The following MED6 variants were observed in gnomAD, a reference collection of about 807,000 sequenced individuals.
The protein encoded by MED6 is mediator of RNA polymerase II transcription subunit 6.
A neutral mutation model predicts 37.5 loss-of-function variants in MED6; 33 were observed. That is an observed-to-expected ratio of 0.88 (90% confidence interval 0.67 to 1.18). The LOEUF is 1.18. Ranked by LOEUF, MED6 falls within the 50% of genes most tolerant of loss-of-function variation. The pLI is 0.00. For missense variants in MED6, 235 were observed against 290.6 expected (o/e 0.81, Z 1.39); for synonymous variants, 94 against 93.6 (o/e 1.00, Z -0.02).
At chr14:70,588,222 T>C (rs566705430) in intron 6 of MED6, among the ~76,000 whole-genome samples, 1 of 152,316 alleles carries the variant, frequency 6.6e-6, no homozygotes, top group South Asian at 2.1e-4. Flanking sequence ...CTCCTAGTTA[T>C]GTTACACAGA....
chr14:70,593,995 T>C (rs1460296373), intron 3 of MED6, among the ~76,000 whole-genome samples: 3 of 152,232 alleles, frequency 2.0e-5, no homozygotes, highest in African/African-American at 7.2e-5. Context: ...CTGGTTTGCC[T>C]TGGTTCTAAG....
Position 70,584,119 on chromosome 14 carries a change from AG to A in MED6, c.*693del. 1 of 727,922 alleles carries A rather than the reference AG, an allele frequency of 1.4e-6. No individual in the cohort carries two copies. The highest frequency in any genetic ancestry group is 2.5e-6 in the Non-Finnish European group (1 of 404,428). The allele number at this position is 727,922 out of a possible 1,614,324, so 45.1% of individuals were successfully genotyped here. On this transcript the variant is annotated 3_prime_UTR_variant, in exon 8 of 8. Transcript: ENST00000256379. ...TCAGCAACTGTTTATTTTAATACTG[AG>A]GATTATGTAACTGAACAAAAAGAAA... is the stretch of plus-strand genomic sequence containing the variant.
intron 3 of MED6, among the ~76,000 whole-genome samples, chr14:70,594,097 C>T (rs1453067318): frequency 1.3e-5 from 2 of 152,158 alleles, no homozygotes; most frequent in African/African-American, 4.8e-5. Flanking sequence ...AAGTCATTCT[C>T]TGAAAACAAT....
intron 3 of MED6, chr14:70,594,487 A>G (rs1239161848): frequency 3.2e-6 from 1 of 310,412 alleles, no homozygotes; most frequent in East Asian, 8.5e-5. Context: ...GATGTGAAAA[A>G]AAAAGTTAAT....
intron 6 of MED6, among the ~76,000 whole-genome samples, chr14:70,588,398 G>A (rs557100553): frequency 6.6e-6 from 1 of 152,090 alleles, no homozygotes; most frequent in East Asian, 1.9e-4. Context: ...AAAAATAATT[G>A]GGAGGGGCCG....
chr14:70,588,500 G>T (rs1332134173), intron 6 of MED6, among the ~76,000 whole-genome samples: 1 of 151,708 alleles, frequency 6.6e-6, no homozygotes, highest in African/African-American at 2.4e-5. Flanking sequence ...CCTGGCTAAC[G>T]CGGTGAAACC....
In MED6 at chr14:70,584,227, T is replaced by C. The variant is rs1884634042; in HGVS notation, c.*586A>G. The C allele has an allele frequency of 5.4e-6, 4 of 741,766 alleles. No individual in the cohort carries two copies. Among genetic ancestry groups the C allele is most frequent in the Non-Finnish European group, 9.8e-6 (4 of 409,376 alleles). The allele number at this position is 741,766 out of a possible 1,614,324, so 45.9% of individuals were successfully genotyped here. A position where few individuals can be genotyped will look rare whatever the true frequency, so the allele number is the denominator to read the frequency against. On this transcript the variant is annotated 3_prime_UTR_variant, in exon 8 of 8. Transcript: ENST00000256379. The stretch of plus-strand genomic sequence containing the variant: ...TCAGTTATGATGAAGAAAAAAGTCA[T>C]GATGAAGCAATATATACAAATACCT...
At chr14:70,597,184 G>A (rs905391477) in intron 2 of MED6, among the ~76,000 whole-genome samples, 14 of 152,108 alleles carry the variant, frequency 9.2e-5, no homozygotes, top group Non-Finnish European at 1.5e-4. Flanking sequence ...CTCAATAGCT[G>A]TATTTGCCCC....
chr14:70,594,686 C>A (rs760664823), intron 3 of MED6: 1 of 454,518 alleles, frequency 2.2e-6, no homozygotes, highest in Non-Finnish European at 4.2e-6. Flanking sequence ...GTTCCCAGAT[C>A]TCCGTGTCCC....
intron 1 of MED6, 45 bp from the exon 2 acceptor site, chr14:70,597,822 A>T (rs749528093): frequency 6.8e-6 from 10 of 1,472,020 alleles, no homozygotes; most frequent in Non-Finnish European, 9.0e-6. Flanking sequence ...AAAAATAGAA[A>T]GAATCCAATC....
chr14:70,587,714 T>C (rs1884750977), intron 6 of MED6, among the ~76,000 whole-genome samples: 1 of 152,220 alleles, frequency 6.6e-6, no homozygotes, highest in African/African-American at 2.4e-5. Flanking sequence ...ACAAGAGTGC[T>C]TCTTGGAGCA....
chr14:70,594,621 G>A (rs987681203), intron 3 of MED6: 36 of 415,632 alleles, frequency 8.7e-5, no homozygotes, highest in South Asian at 3.7e-4. Context: ...GCCCAGCTGC[G>A]GCACCCAGCC....
chr14:70,599,776 G>C (rs72719773), intron 1 of MED6, among the ~76,000 whole-genome samples: 8,950 of 152,032 alleles, frequency 0.059, 447 homozygotes, highest in African/African-American at 0.13. Context: ...CATAGCCCAA[G>C]CATTCTAACA....
chr14:70,595,274 C>T, intron 3 of MED6: 1 of 548,032 alleles, frequency 1.8e-6, no homozygotes. Context: ...ATCTCAGGAC[C>T]TCGCCAAGAT....
intron 6 of MED6, 29 bp downstream of exon 6, chr14:70,591,237 T>A (rs372684616): frequency 4.6e-6 from 7 of 1,517,004 alleles, no homozygotes; most frequent in Non-Finnish European, 6.4e-6. Context: ...AAGTGTCAAA[T>A]CAAGATTAAC....
At position 70,586,087 on chromosome 14, in the gene MED6, T is replaced by C. The variant is rs139673496; in HGVS notation, c.583-304A>G. 2.0e-5 allele frequency among the ~76,000 whole-genome samples: 3 copies of C among 152,308 alleles called. No homozygotes were observed. The East Asian group carries it at 5.8e-4, about 29-fold the overall frequency. ...TTCCACCTCCACACCCAGGCTACAA[T>C]GCTTTATAAAAAGCAGTTCAGTAGA... is the stretch of plus-strand genomic sequence containing the variant. On this transcript the variant is annotated intron_variant, in intron 6 of 7. Coordinates refer to ENST00000256379, the MANE Select transcript of MED6 (RefSeq NM_005466.4).
intron 3 of MED6, chr14:70,594,704 CG>C: frequency 2.2e-6 from 1 of 459,788 alleles, no homozygotes. Context: ...CCCGCTCCAC[CG>C]GTTTCCAGGG....
chr14:70,591,392 A>C lies in MED6; in HGVS notation c.467-11T>G, dbSNP rs1014506644. The C allele has an allele frequency of 6.3e-7, 1 of 1,587,502 alleles. No homozygotes were observed. The highest frequency in any genetic ancestry group is 1.4e-5 in the African/African-American group (1 of 73,586). The stretch of plus-strand genomic sequence containing the variant: ...TAGGTCTGACTTTATCTATTAAAAT[A>C]CGAAGTCCAAATCAAAACATTGCCT... On this transcript the variant is annotated splice_polypyrimidine_tract_variant and intron_variant, in intron 5 of 7. Coordinates refer to ENST00000256379, the MANE Select transcript of MED6 (RefSeq NM_005466.4).
chr14:70,597,793 C>T lies in MED6; in HGVS notation c.23-16G>A. The stretch of plus-strand genomic sequence containing the variant: ...AGCAGATTGTCTATGGGAAAGAAAA[C>T]AAAATGATAAAGGATTAGAAAAATA... On this transcript the variant is annotated splice_polypyrimidine_tract_variant and intron_variant, in intron 1 of 7. Transcript: ENST00000256379. The T allele has an allele frequency of 6.5e-7, 1 of 1,530,612 alleles. No individual in the cohort carries two copies. Among genetic ancestry groups the T allele is most frequent in the Non-Finnish European group, 8.7e-7 (1 of 1,152,024 alleles). 94.8% of individuals were successfully genotyped at this position (1,530,612 alleles called of 1,614,324 possible).
Sources: gnomAD v4.1 joint callset for allele counts (sites outside exome capture counted in the v4.1 genomes callset) on GRCh38, gnomAD v4.1.1 for gene constraint, MANE v1.5 for transcripts, NCBI Gene and HGNC (gene_info 2026-07-23, HGNC 2026-07-21) for gene names.